PCDH15: variants seen among roughly 807,000 people sequenced by gnomAD.
The protein encoded by PCDH15 is protocadherin related 15.
In PCDH15, 129 loss-of-function variants were observed where a neutral mutation model predicts 178.5. That is an observed-to-expected ratio of 0.72 (90% CI 0.63 to 0.84). The LOEUF (loss-of-function observed/expected upper bound fraction) is 0.84, where lower values mean the gene tolerates loss of function less well. Among genes scored for constraint, PCDH15 ranks in the 40% least tolerant of loss-of-function variants. The probability of loss-of-function intolerance (pLI) is 0.00; values close to 1 mark genes in which losing one functional copy is unlikely to be tolerated. For missense variants in PCDH15, 2,230 were observed against 2,099.9 expected, an observed-to-expected ratio of 1.06 and a Z score of -1.21; for synonymous variants, 800 against 732.0, an observed-to-expected ratio of 1.09 and a Z score of -1.50.
chr10:54,820,516 T>C (rs1389519189), intron 3 of PCDH15, among the ~76,000 whole-genome samples: 1 of 152,090 alleles, frequency 6.6e-6, no homozygotes, highest in Non-Finnish European at 1.5e-5. Context: ...TTTAAAAGCT[T>C]TCAAGATAAT....
At chr10:55,106,106 A>G (rs1842668625) in intron 2 of PCDH15, among the ~76,000 whole-genome samples, 1 of 152,134 alleles carries the variant, frequency 6.6e-6, no homozygotes, top group Non-Finnish European at 1.5e-5. Flanking sequence ...AAGGCACAAT[A>G]AAGTTTGTAA....
chr10:54,554,411 T>C (rs1317872656), intron 2 of PCDH15, among the ~76,000 whole-genome samples: 1 of 152,198 alleles, frequency 6.6e-6, no homozygotes, highest in African/African-American at 2.4e-5. Context: ...TTCCCAGATC[T>C]ACGTAAGTGA....
At chr10:55,303,267 T>C (rs1843334725) in intron 1 of PCDH15, among the ~76,000 whole-genome samples, 3 of 152,194 alleles carry the variant, frequency 2.0e-5, no homozygotes, top group African/African-American at 2.4e-5. Context: ...GGGCATTCTT[T>C]ACTTGGTGGA....
intron 2 of PCDH15, among the ~76,000 whole-genome samples, chr10:55,089,875 C>T (rs943516515): frequency 2.0e-5 from 3 of 152,032 alleles, no homozygotes; most frequent in African/African-American, 7.2e-5. Context: ...CCTCTTACTT[C>T]CGGTTTTCTA....
At chr10:55,173,297 A>G (rs1489939339) in intron 1 of PCDH15, among the ~76,000 whole-genome samples, 1 of 127,404 alleles carries the variant, frequency 7.8e-6, no homozygotes, top group Non-Finnish European at 1.7e-5. Context: ...TTGATTCTAT[A>G]TTAGAAAGAT....
rs531545670 is a variant in PCDH15 at position 54,519,060 on chromosome 10, C to T, written c.157+8752G>A. 2.1e-4 allele frequency among the ~76,000 whole-genome samples: 32 copies of T among 152,258 alleles called. No homozygotes were observed. The East Asian group carries it at 3.7e-3, about 17-fold the overall frequency. ...TAAATTAGGTATTGATGGGACTTAT[C>T]TCAAAATAATAAGCGCTATCTATGA... On this transcript the variant is annotated intron_variant, in intron 3 of 37. Transcript: ENST00000644397.
intron 2 of PCDH15, among the ~76,000 whole-genome samples, chr10:55,554,446 T>C (rs1212945060): frequency 6.6e-6 from 1 of 152,080 alleles, no homozygotes; most frequent in African/African-American, 2.4e-5. Context: ...ATTGACATCT[T>C]ACCTTAGTGA....
At chr10:53,941,829 G>A (rs2086094226) in intron 23 of PCDH15, among the ~76,000 whole-genome samples, 1 of 152,162 alleles carries the variant, frequency 6.6e-6, no homozygotes, top group African/African-American at 2.4e-5. Flanking sequence ...TTTTGGTGCT[G>A]TCAATAGTCT....
intron 2 of PCDH15, among the ~76,000 whole-genome samples, chr10:55,523,845 A>T (rs1841241880): frequency 6.6e-6 from 1 of 151,600 alleles, no homozygotes; most frequent in Admixed American, 6.6e-5. Context: ...TTTTTTCCCT[A>T]CAATAATGTT....
Position 55,296,890 on chromosome 10 carries a change from C to T in PCDH15, c.-156+22709G>A, listed in dbSNP as rs115711020. Reference sequence around the variant, plus strand: ...TGTCCCTTTGTACCTCCTTCAAATACAAAAACAAACACTATAAGACTAACT... The same window carrying T: ...TGTCCCTTTGTACCTCCTTCAAATATAAAAACAAACACTATAAGACTAACT... On this transcript the variant is annotated intron_variant, in intron 1 of 5. Coordinates refer to the PCDH15 transcript ENST00000458638. Among the ~76,000 whole-genome samples the T allele has an allele frequency of 6.7e-3, 1,022 of 152,162 alleles. 13 individuals are homozygous for T. Among genetic ancestry groups the T allele is most frequent in the African/African-American group, 0.022 (916 of 41,536 alleles).
intron 2 of PCDH15, among the ~76,000 whole-genome samples, chr10:55,144,369 T>C (rs1016857624): frequency 6.8e-5 from 10 of 147,712 alleles, no homozygotes; most frequent in Non-Finnish European, 1.5e-4. Context: ...ATGGAAGCAA[T>C]ATACAATTAA....
intron 3 of PCDH15, among the ~76,000 whole-genome samples, chr10:54,434,589 A>G (rs2075259147): frequency 1.3e-5 from 2 of 152,234 alleles, no homozygotes; most frequent in Non-Finnish European, 2.9e-5. Context: ...GTAGCAGGCT[A>G]TAACATCTAG....
At chr10:54,253,748 T>C (rs2056687162) in intron 8 of PCDH15, among the ~76,000 whole-genome samples, 2 of 152,186 alleles carry the variant, frequency 1.3e-5, no homozygotes, top group Middle Eastern at 3.5e-3. Flanking sequence ...TGGTAATGCT[T>C]GCTATAAATT....
chr10:55,574,523 A>G (rs1842462307), intron 2 of PCDH15, among the ~76,000 whole-genome samples: 1 of 152,032 alleles, frequency 6.6e-6, no homozygotes, highest in Non-Finnish European at 1.5e-5. Context: ...ATGAAGGATA[A>G]TGTAGGTAGG....
chr10:54,248,813 T>C (rs973770979), intron 8 of PCDH15, among the ~76,000 whole-genome samples: 2 of 152,120 alleles, frequency 1.3e-5, no homozygotes, highest in Non-Finnish European at 2.9e-5. Context: ...TCAAATGTGA[T>C]ACTGCTAGTG....
At chr10:55,341,789 ATATATATATATATATATTTTTTTTTTTTT>A (rs1418870600) in intron 2 of PCDH15, among the ~76,000 whole-genome samples, 2,139 of 20,812 alleles carry the variant, frequency 0.1, 80 homozygotes, top group Non-Finnish European at 0.15. Flanking sequence ...ATATATATAT[ATATATATATATATATATTTTTTTTTTTTT>A]TTTTTTTTTT....
At chr10:54,698,797 A>G (rs2095268886) in intron 1 of PCDH15, among the ~76,000 whole-genome samples, 1 of 152,058 alleles carries the variant, frequency 6.6e-6, no homozygotes, top group South Asian at 2.1e-4. Flanking sequence ...TATTATCATG[A>G]TTTCTTCCCT....
At position 55,203,013 on chromosome 10, in the gene PCDH15, G is replaced by A. The variant is rs536672836; in HGVS notation, c.-155-36362C>T. ...AAACACATACTTAACAATGCTTCTAGTTCCTTACAATACCATCAATTCAAT... is the reference window on the plus strand; with the variant it reads ...AAACACATACTTAACAATGCTTCTAATTCCTTACAATACCATCAATTCAAT... On this transcript the variant is annotated intron_variant, in intron 1 of 5. Transcript: ENST00000458638. 5.8e-4 allele frequency among the ~76,000 whole-genome samples: 89 copies of A among 152,198 alleles called. 3 individuals are homozygous for A. The South Asian group carries it at 0.018, about 30-fold the overall frequency.
In PCDH15 at chr10:54,655,367, C is replaced by A. The variant is rs1198838112; in HGVS notation, c.91+8805G>T. ...AAGAAAGAACATCTGAGCACCAATA[C>A]TGGGATATTGTAAGTTACCTCAGAA... is the stretch of plus-strand genomic sequence containing the variant. On this transcript the variant is annotated intron_variant, in intron 2 of 37. Transcript: ENST00000644397. 4.0e-5 allele frequency among the ~76,000 whole-genome samples: 6 copies of A among 148,198 alleles called. No homozygotes were observed. In the Admixed American group the frequency reaches 4.1e-4, roughly 10 times the overall value.
Sources: gnomAD v4.1 joint callset for allele counts (sites outside exome capture counted in the v4.1 genomes callset) on GRCh38, gnomAD v4.1.1 for gene constraint, MANE v1.5 for transcripts, NCBI Gene and HGNC (gene_info 2026-07-23, HGNC 2026-07-21) for gene names.